The following GRM7 variants were observed in gnomAD, a reference collection of about 807,000 sequenced individuals.
The protein encoded by GRM7 is glutamate metabotropic receptor 7.
Under a neutral mutation model 84.5 loss-of-function variants are expected in GRM7, and 35 were observed. That is an observed-to-expected ratio of 0.41 (90% CI 0.32 to 0.55). The LOEUF is 0.55. GRM7 is among the 20% of genes least tolerant of loss of function. GRM7 has a pLI of 0.19. For missense variants in GRM7, 1,003 were observed against 1,194.6 expected (o/e 0.84, Z 2.36); for synonymous variants, 487 against 455.1 (o/e 1.07, Z -0.89).
chr3:7,524,712 C>T lies in GRM7; in HGVS notation c.1516-53710C>T, dbSNP rs1280360750. 2.3e-5 allele frequency among the ~76,000 whole-genome samples: 2 copies of T among 86,778 alleles called. 1 individual carries two copies. The highest frequency in any genetic ancestry group is 4.3e-5 in the Non-Finnish European group (2 of 46,386). 56.9% of individuals were successfully genotyped at this position (86,778 alleles called of 152,430 possible). A position where few individuals can be genotyped will look rare whatever the true frequency, so the allele number is the denominator to read the frequency against. ...CATTGTGGAAGTCAGTGTGGCGATT[C>T]CTCAGGGATCTAGAACTAGAAATAC... On this transcript the variant is annotated intron_variant, in intron 7 of 9. Coordinates refer to ENST00000357716, the MANE Select transcript of GRM7 (RefSeq NM_000844.4).
intron 5 of GRM7, among the ~76,000 whole-genome samples, chr3:7,445,448 C>G (rs1217466884): frequency 6.6e-6 from 1 of 152,168 alleles, no homozygotes; most frequent in Non-Finnish European, 1.5e-5. Context: ...AGTGCTTCCA[C>G]AGGACCTGGT....
intron 9 of GRM7, among the ~76,000 whole-genome samples, chr3:7,692,271 T>A (rs1700835044): frequency 6.6e-6 from 1 of 152,170 alleles, no homozygotes; most frequent in Non-Finnish European, 1.5e-5. Context: ...GACAGGTAGC[T>A]CCTGGCCGGC....
At chr3:7,395,442 CA>C (rs1376765311) in intron 4 of GRM7, among the ~76,000 whole-genome samples, 3 of 152,256 alleles carry the variant, frequency 2.0e-5, no homozygotes, top group South Asian at 4.2e-4. Flanking sequence ...GTCATCTCAC[CA>C]TTTCTACTAG....
intron 9 of GRM7, among the ~76,000 whole-genome samples, chr3:7,704,645 G>A (rs1190714060): frequency 3.9e-5 from 6 of 152,150 alleles, no homozygotes; most frequent in Admixed American, 1.3e-4. Context: ...TAGCCAGGAT[G>A]CTACCAAAAG....
intron 7 of GRM7, among the ~76,000 whole-genome samples, chr3:7,573,320 A>T (rs187557331): frequency 5.3e-5 from 8 of 152,312 alleles, no homozygotes; most frequent in Non-Finnish European, 1.0e-4. Flanking sequence ...TAAAAATAAT[A>T]TTGCAGAGAA....
chr3:7,436,743 G>A (rs768766647), intron 5 of GRM7, among the ~76,000 whole-genome samples: 1 of 152,136 alleles, frequency 6.6e-6, no homozygotes. Flanking sequence ...TCACACTTCT[G>A]CTTTTTTCAG....
At chr3:7,511,388 A>T (rs1700205573) in intron 7 of GRM7, among the ~76,000 whole-genome samples, 1 of 150,356 alleles carries the variant, frequency 6.7e-6, no homozygotes, top group Admixed American at 6.6e-5. Flanking sequence ...AACAGAAGCC[A>T]TTTGCTACCT....
chr3:6,997,515 G>T (rs1694865566), intron 1 of GRM7, among the ~76,000 whole-genome samples: 2 of 152,132 alleles, frequency 1.3e-5, no homozygotes, highest in South Asian at 2.1e-4. Context: ...ATCAGATCTT[G>T]TGAGAACTCA....
chr3:7,565,564 T>C (rs537765189), intron 7 of GRM7, among the ~76,000 whole-genome samples: 2 of 152,310 alleles, frequency 1.3e-5, no homozygotes, highest in African/African-American at 2.4e-5. Context: ...GGAAACTTCA[T>C]AGAATTCAGA....
intron 2 of GRM7, among the ~76,000 whole-genome samples, chr3:7,240,131 T>TG (rs1697500097): frequency 6.9e-6 from 1 of 143,928 alleles, no homozygotes; most frequent in African/African-American, 2.6e-5. Context: ...TTTTTTTTTT[T>TG]TTTTTTTTTT....
chr3:7,199,806 T>A (rs1266617474), intron 2 of GRM7, among the ~76,000 whole-genome samples: 1 of 152,224 alleles, frequency 6.6e-6, no homozygotes, highest in Non-Finnish European at 1.5e-5. Context: ...AAGCCATATT[T>A]CCTAAACTTT....
intron 8 of GRM7, among the ~76,000 whole-genome samples, chr3:7,645,649 G>A (rs534364746): frequency 1.3e-5 from 2 of 150,922 alleles, no homozygotes; most frequent in African/African-American, 4.9e-5. Flanking sequence ...ATGAGCCACA[G>A]AGTCATAAGA....
intron 9 of GRM7, among the ~76,000 whole-genome samples, chr3:7,734,256 G>GA (rs1161569282): frequency 5.2e-5 from 6 of 114,886 alleles, no homozygotes; most frequent in Admixed American, 2.0e-4. Context: ...GCGGGGGGGG[G>GA]GTTTCCTCTC....
intron 7 of GRM7, among the ~76,000 whole-genome samples, chr3:7,566,571 T>C (rs1011067714): frequency 1.3e-5 from 2 of 152,286 alleles, no homozygotes; most frequent in African/African-American, 2.4e-5. Flanking sequence ...AGGAGGTCAT[T>C]TGCAGTTAGC....
At chr3:6,888,838 A>G (rs1399520899) in intron 1 of GRM7, among the ~76,000 whole-genome samples, 5 of 152,132 alleles carry the variant, frequency 3.3e-5, no homozygotes, top group Admixed American at 6.6e-5. Flanking sequence ...GGCCATTTTC[A>G]TGATATTGAT....
At chr3:6,871,355 G>T (rs768631428) in intron 1 of GRM7, among the ~76,000 whole-genome samples, 1 of 151,900 alleles carries the variant, frequency 6.6e-6, no homozygotes, top group Admixed American at 6.6e-5. Context: ...ATTATTTTAT[G>T]TTCTTCATTA....
At chr3:7,408,714 TGCGG>T (rs1370578974) in intron 4 of GRM7, among the ~76,000 whole-genome samples, 1 of 152,188 alleles carries the variant, frequency 6.6e-6, no homozygotes, top group Non-Finnish European at 1.5e-5. Flanking sequence ...CGGGGCTACC[TGCGG>T]AACATGTCCT....
At chr3:7,476,658 A>G (rs896763920) in intron 7 of GRM7, among the ~76,000 whole-genome samples, 4 of 152,208 alleles carry the variant, frequency 2.6e-5, no homozygotes, top group Non-Finnish European at 5.9e-5. Context: ...AAACACAAAT[A>G]AGACCATGTC....
intron 1 of GRM7, among the ~76,000 whole-genome samples, chr3:6,898,239 G>A (rs1696258424): frequency 6.6e-6 from 1 of 152,132 alleles, no homozygotes; most frequent in Non-Finnish European, 1.5e-5. Flanking sequence ...CAAGTAGTTA[G>A]TGCTTATTTG....
Sources: gnomAD v4.1 joint callset for allele counts (sites outside exome capture counted in the v4.1 genomes callset) on GRCh38, gnomAD v4.1.1 for gene constraint, MANE v1.5 for transcripts, NCBI Gene and HGNC (gene_info 2026-07-23, HGNC 2026-07-21) for gene names.